MYOZ2: variants seen among roughly 807,000 people sequenced by gnomAD.
The protein encoded by MYOZ2 is myozenin-2.
A neutral mutation model predicts 25.4 loss-of-function variants in MYOZ2; 19 were observed. That is an observed-to-expected ratio of 0.75 (90% CI 0.52 to 1.10). The LOEUF (loss-of-function observed/expected upper bound fraction) is 1.10. Among genes scored for constraint, MYOZ2 ranks in the 50% least tolerant of loss-of-function variants. The probability of loss-of-function intolerance (pLI) is 0.00; values close to 1 mark genes in which losing one functional copy is unlikely to be tolerated. For synonymous variants in MYOZ2, 92 were observed against 106.9 expected, an observed-to-expected ratio of 0.86 and a Z score of 0.86; for missense variants, 270 against 317.9, an observed-to-expected ratio of 0.85 and a Z score of 1.15.
At chr4:119,174,444 T>A (rs1309417742) in intron 5 of MYOZ2, among the ~76,000 whole-genome samples, 1 of 151,832 alleles carries the variant, frequency 6.6e-6, no homozygotes, top group Non-Finnish European at 1.5e-5. Context: ...CCTTTATGTC[T>A]AGTTCAGGGA....
intron 5 of MYOZ2, among the ~76,000 whole-genome samples, chr4:119,172,745 G>A (rs1741972851): frequency 1.3e-5 from 2 of 152,170 alleles, no homozygotes; most frequent in South Asian, 2.1e-4. Context: ...GGAAAGGGCT[G>A]TTACCGCCAT....
chr4:119,161,727 A>G (rs1561119743), intron 4 of MYOZ2, among the ~76,000 whole-genome samples: 1 of 152,180 alleles, frequency 6.6e-6, no homozygotes, highest in African/African-American at 2.4e-5. Flanking sequence ...TCCTTAATTT[A>G]ATAGATTATT....
At chr4:119,177,042 C>T (rs1742089499) in intron 5 of MYOZ2, among the ~76,000 whole-genome samples, 1 of 151,232 alleles carries the variant, frequency 6.6e-6, no homozygotes, top group South Asian at 2.1e-4. Context: ...GTCTGGGTGA[C>T]AAGAGCGAGA....
At chr4:119,159,420 T>A (rs1353982410) in intron 4 of MYOZ2, among the ~76,000 whole-genome samples, 1 of 152,194 alleles carries the variant, frequency 6.6e-6, no homozygotes, top group Non-Finnish European at 1.5e-5. Flanking sequence ...ATACATTTGT[T>A]TATCATTTTA....
chr4:119,158,468 A>C (rs111439675), intron 4 of MYOZ2, among the ~76,000 whole-genome samples: 25 of 152,144 alleles, frequency 1.6e-4, no homozygotes, highest in African/African-American at 5.5e-4. Flanking sequence ...GGGTAGGAGG[A>C]TCATTTGAGC....
chr4:119,151,895 C>G (rs1019999144), intron 3 of MYOZ2, among the ~76,000 whole-genome samples: 3 of 152,254 alleles, frequency 2.0e-5, no homozygotes, highest in Middle Eastern at 3.4e-3. Context: ...GCTCCCATCA[C>G]TAATAAGTTG....
At position 119,186,344 on chromosome 4, in the gene MYOZ2, A is replaced by G; in HGVS notation, c.*144A>G. ...TTTCCTTTTCTGACATTCAATTTCAATCTCAGATCAAATACTAATAAACAA... is the reference window on the plus strand; with the variant it reads ...TTTCCTTTTCTGACATTCAATTTCAGTCTCAGATCAAATACTAATAAACAA... On this transcript the variant is annotated 3_prime_UTR_variant, in exon 6 of 6. Coordinates refer to ENST00000307128, the MANE Select transcript of MYOZ2 (RefSeq NM_016599.5). 3.0e-6 allele frequency: 2 copies of G among 658,478 alleles called. No homozygotes were observed. The highest frequency in any genetic ancestry group is 5.5e-5 in the East Asian group (2 of 36,686). 40.8% of individuals were successfully genotyped at this position (658,478 alleles called of 1,614,324 possible).
intron 5 of MYOZ2, among the ~76,000 whole-genome samples, chr4:119,169,889 T>A (rs1012012869): frequency 1.3e-5 from 2 of 152,302 alleles, no homozygotes; most frequent in African/African-American, 4.8e-5. Flanking sequence ...TAAATCAAAC[T>A]GCCCGCTCTG....
chr4:119,152,124 G>A (rs1335138172), intron 3 of MYOZ2, among the ~76,000 whole-genome samples: 2 of 152,000 alleles, frequency 1.3e-5, no homozygotes, highest in Non-Finnish European at 2.9e-5. Context: ...GCATTCTTCA[G>A]CCATCCATTG....
chr4:119,178,734 G>A (rs752648373), intron 5 of MYOZ2, among the ~76,000 whole-genome samples: 8 of 152,122 alleles, frequency 5.3e-5, no homozygotes, highest in Non-Finnish European at 8.8e-5. Context: ...AGCCTCCCGA[G>A]TAGGTGGGAC....
chr4:119,144,964 A>C (rs1331835076), intron 2 of MYOZ2, among the ~76,000 whole-genome samples: 1 of 152,134 alleles, frequency 6.6e-6, no homozygotes, highest in Non-Finnish European at 1.5e-5. Context: ...CCAGTTTATC[A>C]ATTATTCCTT....
At chr4:119,165,124 G>A (rs1263023776) in intron 5 of MYOZ2, among the ~76,000 whole-genome samples, 3 of 149,212 alleles carry the variant, frequency 2.0e-5, no homozygotes, top group Non-Finnish European at 3.0e-5. Context: ...TTTATAGGCA[G>A]CTTAATAACC....
chr4:119,164,486 A>T (rs1741780129), intron 5 of MYOZ2, 92 bp downstream of exon 5: 2 of 1,318,592 alleles, frequency 1.5e-6, no homozygotes, highest in South Asian at 1.3e-5. Flanking sequence ...GTAGAAAGCA[A>T]TTTTTTCTTT....
rs1337507818 is a variant in MYOZ2 at position 119,164,275 on chromosome 4, C to T, written c.441C>T (p.Tyr147=). The change falls in exon 5 of 6, where the codon TAC becomes TAT. Residue 147 remains tyrosine, a synonymous_variant. Coordinates refer to ENST00000307128, the MANE Select transcript of MYOZ2 (RefSeq NM_016599.5). ...TCAACACCACAGCTGTCCCTAAGTA[C>T]TATCAATCTCCCTGGGAACAAGCCA... The part of the protein sequence containing the change: ...EKFNTTAVPK[Y]YQSPWEQAIS... 5 of 1,614,000 alleles carry T rather than the reference C, an allele frequency of 3.1e-6. No individual in the cohort carries two copies. The highest frequency in any genetic ancestry group is 3.4e-6 in the Non-Finnish European group (4 of 1,179,916).
chr4:119,174,635 C>G lies in MYOZ2; in HGVS notation c.560+10241C>G, dbSNP rs555987369. On this transcript the variant is annotated intron_variant, in intron 5 of 5. Transcript: ENST00000307128. ...ATCTAGCTCAGGGATTGTAAATGCA[C>G]CAATCAGCGCCCTGTCAAAATAGAC... is the stretch of plus-strand genomic sequence containing the variant. 9.2e-5 allele frequency among the ~76,000 whole-genome samples: 14 copies of G among 152,186 alleles called. No individual in the cohort carries two copies. In the South Asian group the frequency reaches 2.5e-3, roughly 27 times the overall value.
Position 119,180,745 on chromosome 4 carries a change from G to A in MYOZ2, c.561-5221G>A, listed in dbSNP as rs185207018. ...ATTTTTGTATTTTTTTAGTAGAGAC[G>A]GGGTTTCACCATGTTGGCCAGGCTG... is the stretch of plus-strand genomic sequence containing the variant. On this transcript the variant is annotated intron_variant, in intron 5 of 5. Transcript: ENST00000307128. Among the ~76,000 whole-genome samples, 226 of 152,158 alleles carry A rather than the reference G, an allele frequency of 1.5e-3. 1 individual carries two copies. Among genetic ancestry groups the A allele is most frequent in the African/African-American group, 5.0e-3 (208 of 41,518 alleles).
intron 4 of MYOZ2, among the ~76,000 whole-genome samples, chr4:119,163,203 T>C (rs116694093): frequency 6.6e-6 from 1 of 151,844 alleles, no homozygotes; most frequent in Admixed American, 6.6e-5. Context: ...TGTTTAGACA[T>C]GGAATTATCA....
chr4:119,164,514 T>C (rs773256856), intron 5 of MYOZ2, 120 bp downstream of exon 5: 6 of 919,158 alleles, frequency 6.5e-6, no homozygotes, highest in South Asian at 2.9e-5. Context: ...AGAATCTAAA[T>C]AGCAATATAG....
At chr4:119,162,230 A>G (rs1741725255) in intron 4 of MYOZ2, among the ~76,000 whole-genome samples, 1 of 152,178 alleles carries the variant, frequency 6.6e-6, no homozygotes, top group South Asian at 2.1e-4. Flanking sequence ...CACCCCAAGC[A>G]GCAAGTAACT....
Sources: allele counts gnomAD v4.1 joint callset (sites outside exome capture counted in the v4.1 genomes callset), GRCh38; gene constraint gnomAD v4.1.1; transcripts MANE v1.5; gene names NCBI Gene and HGNC (gene_info 2026-07-23, HGNC 2026-07-21).